The following CNTN2 variants were observed in gnomAD, a reference collection of about 807,000 sequenced individuals.
The protein encoded by CNTN2 is contactin-2.
Under a neutral mutation model 117.5 loss-of-function variants are expected in CNTN2, and 53 were observed. The ratio of observed to expected loss-of-function variants is 0.45; its 90% CI spans 0.36 to 0.57. The LOEUF is 0.57. CNTN2 is among the 20% of genes least tolerant of loss of function. The probability of loss-of-function intolerance (pLI) is 0.00; values close to 1 mark genes in which losing one functional copy is unlikely to be tolerated. For missense variants in CNTN2, 1,106 were observed against 1,404.3 expected, an observed-to-expected ratio of 0.79 and a Z score of 3.39; for synonymous variants, 530 against 561.7, an observed-to-expected ratio of 0.94 and a Z score of 0.80.
Position 205,065,773 on chromosome 1 carries a change from C to G in CNTN2, c.1696-16C>G. 6.2e-7 allele frequency: 1 copy of G among 1,614,008 alleles called. No homozygotes were observed. Among genetic ancestry groups the G allele is most frequent in the Non-Finnish European group, 8.5e-7 (1 of 1,180,008 alleles). On this transcript the variant is annotated splice_polypyrimidine_tract_variant and intron_variant, in intron 13 of 22. Transcript: ENST00000331830. This position sits in a 1 kb window ranked among gnomAD's most constrained non-coding sequence, Gnocchi z 4.1. ...CGGTGGTCTGACCTGCTGCCCCTAA[C>G]TGTCCCCGTGTGCAGAAGGAGACCA...
At position 205,070,532 on chromosome 1, in the gene CNTN2, G is replaced by A. The variant is rs1476824893; in HGVS notation, c.2538G>A (p.Gly846=). The change falls in exon 19 of 23, where the codon GGG becomes GGA. Residue 846 remains glycine (G), a synonymous_variant. Coordinates refer to ENST00000331830, the MANE Select transcript of CNTN2 (RefSeq NM_005076.5). ...AGGACATGAATGGTATCCTCCTGGG[G>A]TATGAGGTGAGCACCAACCTGGGAC... is the stretch of plus-strand genomic sequence containing the variant. ...VQQDMNGILL[G]YEIRYWKAGD... is the part of the protein sequence containing the mutation. 2 of 1,612,484 alleles carry A rather than the reference G, an allele frequency of 1.2e-6. No individual in the cohort carries two copies. The highest frequency in any genetic ancestry group is 1.7e-5 in the Admixed American group (1 of 59,974).
chr1:205,056,484 C>T (rs532991398), intron 2 of CNTN2, among the ~76,000 whole-genome samples: 3 of 152,342 alleles, frequency 2.0e-5, no homozygotes, highest in African/African-American at 7.2e-5. Flanking sequence ...TGCCTCCTAC[C>T]TCATTCTGAG....
At position 205,077,484 on chromosome 1, in the gene CNTN2, C is replaced by A. The variant is rs1010536542; in HGVS notation, c.*3719C>A. ...TGGTGCTCTGTCTCCCTGGGTGACA[C>A]CCACCCTAGGCTTCCTCCTGGATGT... On this transcript the variant is annotated 3_prime_UTR_variant, in exon 23 of 23. Coordinates refer to ENST00000331830, the MANE Select transcript of CNTN2 (RefSeq NM_005076.5). 5 of 152,228 alleles carry A rather than the reference C, an allele frequency of 3.3e-5. No homozygotes were observed. The highest frequency in any genetic ancestry group is 2.6e-4 in the Admixed American group (4 of 15,288). 9.4% of individuals were successfully genotyped at this position (152,228 alleles called of 1,614,324 possible). A position where few individuals can be genotyped will look rare whatever the true frequency, so the allele number is the denominator to read the frequency against.
intron 21 of CNTN2, chr1:205,072,816 C>T: frequency 1.6e-6 from 1 of 643,564 alleles, no homozygotes; most frequent in Admixed American, 2.8e-5. Flanking sequence ...AGGCAGAGTT[C>T]ACAGGGGCAG....
rs117812955 is a variant in CNTN2, at chr1:205,060,941, C to A, written c.798-304C>A. Reference sequence around the variant, plus strand: ...GAGGGCAGACCCAGAGGCATGGTGACCGGTGCGGGAGAGGGCAGGCCAGCT... The same window carrying A: ...GAGGGCAGACCCAGAGGCATGGTGAACGGTGCGGGAGAGGGCAGGCCAGCT... On this transcript the variant is annotated intron_variant, in intron 7 of 22. Coordinates refer to ENST00000331830, the MANE Select transcript of CNTN2 (RefSeq NM_005076.5). The A allele has an allele frequency of 1.2e-3, 362 of 303,540 alleles. 4 individuals carry two copies. The East Asian group carries it at 0.019, about 16-fold the overall frequency. 18.8% of individuals were successfully genotyped at this position (303,540 alleles called of 1,614,324 possible).
Position 205,061,819 on chromosome 1 carries a change from A to G in CNTN2, c.974-46A>G, listed in dbSNP as rs756969368. On this transcript the variant is annotated intron_variant, in intron 8 of 22. Transcript: ENST00000331830. This position sits in a 1 kb window ranked among gnomAD's most constrained non-coding sequence, Gnocchi z 4.8. ...TTTCTGTTCCTTTTAATGAGCTGGAAGCTCCTCCTAGCTCATGCCAGGTTT... is the reference window on the plus strand; with the variant it reads ...TTTCTGTTCCTTTTAATGAGCTGGAGGCTCCTCCTAGCTCATGCCAGGTTT... 6.7e-7 allele frequency: 1 copy of G among 1,489,494 alleles called. No homozygotes were observed. Among genetic ancestry groups the G allele is most frequent in the Non-Finnish European group, 8.9e-7 (1 of 1,118,754 alleles). 92.3% of individuals were successfully genotyped at this position (1,489,494 alleles called of 1,614,324 possible). A position where few individuals can be genotyped will look rare whatever the true frequency, so the allele number is the denominator to read the frequency against.
At chr1:205,072,337 T>C (rs6662930) in intron 20 of CNTN2, 146 bp from the exon 21 acceptor site, 331,490 of 836,014 alleles carry the variant, frequency 0.4, 72,305 homozygotes, top group Non-Finnish European at 0.47. Flanking sequence ...CTTTGGATTT[T>C]CATGGGCTTT....
chr1:205,072,420 G>A, intron 20 of CNTN2, 63 bp from the exon 21 acceptor site: 1 of 1,383,406 alleles, frequency 7.2e-7, no homozygotes, highest in Non-Finnish European at 1.0e-6. Context: ...CTGGTTAAAG[G>A]TGAGGGGGTG....
rs1654695616 is a variant in CNTN2, at chr1:205,073,390, C to T, written c.3013+154C>T. 2.1e-6 allele frequency: 2 copies of T among 944,118 alleles called. No individual in the cohort carries two copies. The highest frequency in any genetic ancestry group is 3.1e-6 in the Non-Finnish European group (2 of 642,420). The allele number at this position is 944,118 out of a possible 1,614,324, so 58.5% of individuals were successfully genotyped here. On this transcript the variant is annotated intron_variant, in intron 22 of 22. Transcript: ENST00000331830. The surrounding 1 kb of genome is among the most constrained non-coding windows in gnomAD (Gnocchi z 6.3). ...CAAGTGCAAAGTAGTCTTAGAACTG[C>T]CTCGCCGCCACCTTTCTACCCAGCC...
intron 17 of CNTN2, 63 bp from the exon 18 acceptor site, chr1:205,069,764 G>A (rs1163011214): frequency 6.4e-7 from 1 of 1,554,796 alleles, no homozygotes; most frequent in Non-Finnish European, 8.8e-7. Context: ...GTTGGGTGGG[G>A]CCAGGGAACG....
chr1:205,059,874 AG>A lies in CNTN2; in HGVS notation c.797+196del, dbSNP rs1466394862. The A allele has an allele frequency of 1.7e-6, 1 of 587,396 alleles. No homozygotes were observed. Among genetic ancestry groups the A allele is most frequent in the Non-Finnish European group, 3.1e-6 (1 of 327,602 alleles). 36.4% of individuals were successfully genotyped at this position (587,396 alleles called of 1,614,324 possible). A position where few individuals can be genotyped will look rare whatever the true frequency, so the allele number is the denominator to read the frequency against. ...CTCTGGGTGAGGCATCGCATATGCC[AG>A]GGGCCTTCCATGGCCAGGATCACTT... On this transcript the variant is annotated intron_variant, in intron 7 of 22. Transcript: ENST00000331830. This position sits in a 1 kb window ranked among gnomAD's most constrained non-coding sequence, Gnocchi z 5.6.
chr1:205,071,036 G>A (rs1168283248), intron 19 of CNTN2, among the ~76,000 whole-genome samples: 2 of 152,084 alleles, frequency 1.3e-5, no homozygotes, highest in Non-Finnish European at 2.9e-5. Flanking sequence ...ATGCCCATTG[G>A]GGAAGACAGA....
chr1:205,060,730 A>G (rs12034269), intron 7 of CNTN2: 27,511 of 150,660 alleles, frequency 0.18, 3,142 homozygotes, highest in East Asian at 0.48. Flanking sequence ...AAAAAAAAAA[A>G]AAAAGAAAAA....
intron 1 of CNTN2, among the ~76,000 whole-genome samples, chr1:205,051,367 G>A (rs982975069): frequency 2.0e-5 from 3 of 152,212 alleles, no homozygotes; most frequent in Admixed American, 2.0e-4. Flanking sequence ...GATGAGACAT[G>A]GACAGGGCCT....
chr1:205,070,723 G>T (rs1322086190), intron 19 of CNTN2, 185 bp downstream of exon 19: 10 of 504,310 alleles, frequency 2.0e-5, no homozygotes, highest in Non-Finnish European at 1.1e-5. Context: ...CAGGCCAGGC[G>T]CGGTGGCTCA....
In CNTN2 at chr1:205,065,153, A is replaced by G. The variant is rs1395079618; in HGVS notation, c.1586A>G (p.Gln529Arg). ...AACTTGGGTGACAACCTGACCCTACAGTGCCATGCCTCCCACGACCCCACC... is the reference window on the plus strand; with the variant it reads ...AACTTGGGTGACAACCTGACCCTACGGTGCCATGCCTCCCACGACCCCACC... ...DINLGDNLTL[Q>R]CHASHDPTMD... The change falls in exon 13 of 23, where the codon CAG becomes CGG. Residue 529 changes from glutamine to arginine, a missense_variant. By Grantham distance (43) the Gln-to-Arg change is conservative. Transcript: ENST00000331830. The surrounding 1 kb of genome is among the most constrained non-coding windows in gnomAD (Gnocchi z 4.1). 3.1e-6 allele frequency: 5 copies of G among 1,613,998 alleles called. No homozygotes were observed. Among genetic ancestry groups the G allele is most frequent in the African/African-American group, 2.7e-5 (2 of 74,912 alleles).
intron 12 of CNTN2, 54 bp downstream of exon 12, chr1:205,064,804 C>A: frequency 6.2e-7 from 1 of 1,600,988 alleles, no homozygotes; most frequent in Non-Finnish European, 8.5e-7. Context: ...GGGTACTGTC[C>A]TCCCCATCAT....
Position 205,062,563 on chromosome 1 carries a change from G to A in CNTN2, c.1234G>A (p.Val412Met), listed in dbSNP as rs772630695. The change falls in exon 10 of 23, where the codon GTG becomes ATG. Residue 412 changes from valine to methionine, a missense_variant. By Grantham distance (21) the Val-to-Met change is conservative. Coordinates refer to ENST00000331830, the MANE Select transcript of CNTN2 (RefSeq NM_005076.5). ...CATCTACGCCAGCGCCGAGCTAGCC[G>A]TGCAAGGTAAGGGGCCCAGGGAGGC... The part of the protein sequence containing the change: ...GTIYASAELA[V>M]QALAPDFRLN... 5 of 1,612,692 alleles carry A rather than the reference G, an allele frequency of 3.1e-6. No individual in the cohort carries two copies. The highest frequency in any genetic ancestry group is 3.4e-6 in the Non-Finnish European group (4 of 1,179,226).
In CNTN2 at chr1:205,065,185, C is replaced by T. The variant is rs759942216; in HGVS notation, c.1618C>T (p.Leu540Phe). 2.5e-6 allele frequency: 4 copies of T among 1,614,172 alleles called. No individual in the cohort carries two copies. The highest frequency in any genetic ancestry group is 4.5e-5 in the East Asian group (2 of 44,860). Residue 540 changes from leucine (L) to phenylalanine (F), a missense_variant, in exon 13 of 23, where the codon CTC becomes TTC. By Grantham distance (22) the Leu-to-Phe change is conservative. Coordinates refer to ENST00000331830, the MANE Select transcript of CNTN2 (RefSeq NM_005076.5). This position sits in a 1 kb window ranked among gnomAD's most constrained non-coding sequence, Gnocchi z 4.1. ...CHASHDPTMD[L>F]TFTWTLDDFP... ...TGCCTCCCACGACCCCACCATGGAC[C>T]TCACCTTCACCTGGACCCTGGACGA...
Sources: gnomAD v4.1 joint callset for allele counts (sites outside exome capture counted in the v4.1 genomes callset) on GRCh38, gnomAD v4.1.1 for gene constraint, Gnocchi (gnomAD v3.1) non-coding constraint, MANE v1.5 for transcripts, NCBI Gene and HGNC (gene_info 2026-07-23, HGNC 2026-07-21) for gene names.